SUN5: variants seen among roughly 807,000 people sequenced by gnomAD.
The protein encoded by SUN5 is SUN domain-containing protein 5.
A neutral mutation model predicts 53.7 loss-of-function variants in SUN5; 44 were observed. That is an observed-to-expected ratio of 0.82 (90% confidence interval 0.64 to 1.05). The LOEUF (loss-of-function observed/expected upper bound fraction) is 1.05. SUN5 is among the 50% of genes least tolerant of loss of function. SUN5 has a pLI of 0.00. For synonymous variants in SUN5, 166 were observed against 179.8 expected, an observed-to-expected ratio of 0.92 and a Z score of 0.62; for missense variants, 433 against 483.8, an observed-to-expected ratio of 0.90 and a Z score of 0.98.
Position 32,996,307 on chromosome 20 carries a change from C to G in SUN5, c.425+17G>C, listed in dbSNP as rs746103979. 16 of 1,612,606 alleles carry G rather than the reference C, an allele frequency of 9.9e-6. No homozygotes were observed. In the South Asian group the frequency reaches 1.8e-4, roughly 18 times the overall value. On this transcript the variant is annotated intron_variant, in intron 7 of 12. Transcript: ENST00000356173. ...CTTTTTAGGTAATAATATGGTTACCCAGAAGATTCCTCTTACCTCAAGCTC... is the reference window on the plus strand; with the variant it reads ...CTTTTTAGGTAATAATATGGTTACCGAGAAGATTCCTCTTACCTCAAGCTC...
chr20:33,000,282 G>C (rs1989966255), intron 4 of SUN5, 147 bp from the exon 5 acceptor site: 10 of 1,002,488 alleles, frequency 1.0e-5, no homozygotes, highest in Non-Finnish European at 1.4e-5. Context: ...TCAGGATTCA[G>C]CTCAAATGTC....
chr20:32,998,545 A>G (rs1375337729), intron 5 of SUN5, among the ~76,000 whole-genome samples: 3 of 152,168 alleles, frequency 2.0e-5, no homozygotes, highest in African/African-American at 7.2e-5. Flanking sequence ...CGAACTAGGA[A>G]TAGAAGGGAA....
chr20:32,993,761 G>C (rs1361720689), intron 8 of SUN5, among the ~76,000 whole-genome samples: 1 of 152,206 alleles, frequency 6.6e-6, no homozygotes, highest in African/African-American at 2.4e-5. Flanking sequence ...CAGATGATTG[G>C]TTTGCATCTT....
At chr20:33,000,005 G>C (rs1246562955) in intron 5 of SUN5, 69 bp downstream of exon 5, 3 of 1,572,372 alleles carry the variant, frequency 1.9e-6, no homozygotes, top group Non-Finnish European at 2.6e-6. Context: ...GTCTTGCCCA[G>C]TGTCCTATAA....
intron 1 of SUN5, among the ~76,000 whole-genome samples, 178 bp from the exon 2 acceptor site, chr20:33,003,097 C>T (rs188250530): frequency 1.8e-3 from 278 of 152,300 alleles, no homozygotes; most frequent in African/African-American, 6.3e-3. Context: ...AGGTATCCAT[C>T]AAGGAAAAGA....
At chr20:32,992,617 A>G (rs1568965880) in intron 8 of SUN5, among the ~76,000 whole-genome samples, 1 of 152,216 alleles carries the variant, frequency 6.6e-6, no homozygotes. Context: ...AATTAAAATT[A>G]GACATTTTTG....
At chr20:32,986,155 C>CCATT (rs1481274086) in intron 10 of SUN5, among the ~76,000 whole-genome samples, 3 of 152,206 alleles carry the variant, frequency 2.0e-5, no homozygotes, top group African/African-American at 7.2e-5. Flanking sequence ...CCACTGGCAC[C>CCATT]CATTCATTCA....
chr20:33,001,574 C>CA (rs1568970984), intron 3 of SUN5, among the ~76,000 whole-genome samples: 23 of 74,400 alleles, frequency 3.1e-4, no homozygotes, highest in Non-Finnish European at 4.9e-4. Context: ...TTTCTTCCTT[C>CA]CTTCCTTTCT....
intron 3 of SUN5, 145 bp from the exon 4 acceptor site, chr20:33,001,423 G>C: frequency 2.3e-6 from 2 of 875,630 alleles, no homozygotes; most frequent in Non-Finnish European, 3.6e-6. Flanking sequence ...ACAGAACCAG[G>C]CTCTGCTTAT....
At chr20:32,996,453 C>T in intron 6 of SUN5, 95 bp from the exon 7 acceptor site, 2 of 1,142,332 alleles carry the variant, frequency 1.8e-6, no homozygotes, top group Non-Finnish European at 2.6e-6. Context: ...AATTATAAAC[C>T]CATACATTCA....
chr20:32,987,542 C>T (rs898390986), intron 10 of SUN5, 118 bp downstream of exon 10: 17 of 729,350 alleles, frequency 2.3e-5, no homozygotes, highest in Non-Finnish European at 3.5e-5. Flanking sequence ...TACCTCTAAC[C>T]CCGCCCCTGC....
At chr20:32,999,942 C>T (rs759647978) in intron 5 of SUN5, 132 bp downstream of exon 5, 18 of 1,551,668 alleles carry the variant, frequency 1.2e-5, no homozygotes, top group Admixed American at 2.0e-5. Context: ...TCATAATTCT[C>T]ACAGCAACAC....
chr20:32,985,125 T>A lies in SUN5; in HGVS notation c.958A>T (p.Asn320Tyr). ...FLGAFQFQPE[N>Y]IIQMFPLQNQ... is the part of the protein sequence containing the mutation. ...TGGAGTGGGAACATCTGGATGATGT[T>A]TTCTGGCTGAAACTGAAATGCCCCC... is the stretch of plus-strand genomic sequence containing the variant. The change falls in exon 12 of 13, where the codon AAC (asparagine) becomes TAC (tyrosine). Residue 320 changes from asparagine (N) to tyrosine (Y), a missense_variant. By Grantham distance (143) the Asn-to-Tyr change is moderately radical (BLOSUM62 -2). Transcript: ENST00000356173. 6.2e-7 allele frequency: 1 copy of A among 1,614,092 alleles called. No homozygotes were observed. Among genetic ancestry groups the A allele is most frequent in the Non-Finnish European group, 8.5e-7 (1 of 1,179,988 alleles).
At chr20:32,989,576 A>C (rs1989651709) in intron 9 of SUN5, 44 bp downstream of exon 9, 10 of 1,567,580 alleles carry the variant, frequency 6.4e-6, no homozygotes, top group Non-Finnish European at 8.8e-6. Context: ...ACAGCTTCCC[A>C]GGACACTTGA....
At chr20:32,995,575 CA>C (rs754482834) in intron 8 of SUN5, 43 bp downstream of exon 8, 3 of 1,550,284 alleles carry the variant, frequency 1.9e-6, no homozygotes, top group East Asian at 4.5e-5. Flanking sequence ...GGACATCAAA[CA>C]AAGAGAAATT....
intron 8 of SUN5, among the ~76,000 whole-genome samples, chr20:32,990,999 G>A (rs6057690): frequency 0.34 from 52,429 of 152,084 alleles, 9,728 homozygotes; most frequent in East Asian, 0.79. Flanking sequence ...GGCTCAGAGA[G>A]GTTGATGACC....
At chr20:32,986,876 G>A (rs761147234) in intron 10 of SUN5, among the ~76,000 whole-genome samples, 9 of 152,120 alleles carry the variant, frequency 5.9e-5, no homozygotes, top group African/African-American at 1.2e-4. Context: ...GTGCCCCTGC[G>A]TTCTATCTGC....
intron 9 of SUN5, among the ~76,000 whole-genome samples, chr20:32,989,106 T>C (rs1223565189): frequency 8.6e-5 from 13 of 151,926 alleles, no homozygotes; most frequent in Non-Finnish European, 7.4e-5. Context: ...TTTGTATTTT[T>C]AGTAGAGACG....
intron 8 of SUN5, among the ~76,000 whole-genome samples, chr20:32,991,161 G>A (rs191566492): frequency 6.6e-6 from 1 of 152,156 alleles, no homozygotes; most frequent in East Asian, 1.9e-4. Flanking sequence ...CTGCCCCAAG[G>A]CTGAGTGCAG....
Sources: allele counts gnomAD v4.1 joint callset (sites outside exome capture counted in the v4.1 genomes callset), GRCh38; gene constraint gnomAD v4.1.1; transcripts MANE v1.5; gene names NCBI Gene and HGNC (gene_info 2026-07-23, HGNC 2026-07-21).